The following CSMD2 variants were observed in gnomAD, a reference collection of about 807,000 sequenced individuals.
CSMD2 encodes the protein CUB and Sushi multiple domains 2, also known as CUB and sushi domain-containing protein 2.
In CSMD2, 130 loss-of-function variants were observed where a neutral mutation model predicts 398.5. The observed-to-expected ratio is 0.33, with a 90% CI of 0.28 to 0.38. CSMD2 has a LOEUF of 0.38. Among genes scored for constraint, CSMD2 ranks in the 10% least tolerant of loss-of-function variants. The pLI is 1.00. For synonymous variants in CSMD2, 1,828 were observed against 1,908.5 expected (o/e 0.96, Z 1.10); for missense variants, 3,829 against 4,764.9 (o/e 0.80, Z 5.78).
At chr1:33,606,160 G>C (rs1640592899) in intron 41 of CSMD2, among the ~76,000 whole-genome samples, 2 of 152,224 alleles carry the variant, frequency 1.3e-5, no homozygotes, top group South Asian at 2.1e-4. Context: ...TTGGGGAGAG[G>C]CTGCTGAGGG....
At chr1:34,001,889 A>G (rs1646916227) in intron 3 of CSMD2, among the ~76,000 whole-genome samples, 1 of 152,184 alleles carries the variant, frequency 6.6e-6, no homozygotes, top group African/African-American at 2.4e-5. Context: ...GGTGGTTAAT[A>G]AATGCTGCAA....
At chr1:33,946,110 T>G (rs1644829949) in intron 3 of CSMD2, among the ~76,000 whole-genome samples, 2 of 152,200 alleles carry the variant, frequency 1.3e-5, no homozygotes, top group Admixed American at 1.3e-4. Flanking sequence ...AAGAAACCAG[T>G]GCTCACAAGT....
chr1:33,813,081 C>T (rs1032321444), intron 9 of CSMD2: 11 of 152,154 alleles, frequency 7.2e-5, no homozygotes, highest in East Asian at 5.8e-4. Context: ...ACACCTCTTC[C>T]GGAAAGTCAG....
Position 33,739,125 on chromosome 1 carries a change from C to G in CSMD2, c.2368+15G>C, listed in dbSNP as rs773501827. 1 of 1,604,988 alleles carries G rather than the reference C, an allele frequency of 6.2e-7. No homozygotes were observed. Among genetic ancestry groups the G allele is most frequent in the Non-Finnish European group, 8.5e-7 (1 of 1,176,506 alleles). ...GGCTGACAATGGCCACTGCTCCCAG[C>G]CTGCAGGCTCGTACCTTCACACCGC... On this transcript the variant is annotated intron_variant, in intron 15 of 70. Coordinates refer to ENST00000373381, the MANE Select transcript of CSMD2 (RefSeq NM_001281956.2).
chr1:33,786,879 C>T (rs1303027241), intron 12 of CSMD2, among the ~76,000 whole-genome samples: 2 of 152,212 alleles, frequency 1.3e-5, no homozygotes, highest in African/African-American at 2.4e-5. Context: ...ATGGGCTAGC[C>T]TCCTGTTATG....
intron 53 of CSMD2, among the ~76,000 whole-genome samples, chr1:33,566,125 G>C (rs993872240): frequency 2.6e-5 from 4 of 151,294 alleles, no homozygotes; most frequent in Admixed American, 1.3e-4. Context: ...GGGAAACAAA[G>C]CAATATCAGT....
intron 5 of CSMD2, among the ~76,000 whole-genome samples, chr1:33,897,962 TGG>T (rs1642501819): frequency 6.6e-6 from 1 of 152,102 alleles, no homozygotes; most frequent in Non-Finnish European, 1.5e-5. Context: ...GGGTGTAAGG[TGG>T]TCTCAGTCAA....
chr1:33,563,572 C>G (rs1343005823), intron 53 of CSMD2, among the ~76,000 whole-genome samples: 3 of 152,072 alleles, frequency 2.0e-5, no homozygotes, highest in Non-Finnish European at 4.4e-5. Context: ...TCCTCACAAC[C>G]CTATGAGGTA....
chr1:33,559,505 C>G lies in CSMD2; in HGVS notation c.8381-32G>C. 1 of 1,530,872 alleles carries G rather than the reference C, an allele frequency of 6.5e-7. No individual in the cohort carries two copies. Among genetic ancestry groups the G allele is most frequent in the Non-Finnish European group, 8.8e-7 (1 of 1,142,608 alleles). 94.8% of individuals were successfully genotyped at this position (1,530,872 alleles called of 1,614,324 possible). ...CCAAAACAGAAGATAGGTAAGCCCTCCTACTATTCCACACCCCTCAGAATT... is the reference window on the plus strand; with the variant it reads ...CCAAAACAGAAGATAGGTAAGCCCTGCTACTATTCCACACCCCTCAGAATT... On this transcript the variant is annotated intron_variant, in intron 53 of 70. Coordinates refer to ENST00000373381, the MANE Select transcript of CSMD2 (RefSeq NM_001281956.2). This position sits in a 1 kb window ranked among gnomAD's most constrained non-coding sequence, Gnocchi z 4.0.
intron 1 of CSMD2, among the ~76,000 whole-genome samples, chr1:34,153,105 C>A (rs975128372): frequency 4.6e-5 from 7 of 152,296 alleles, no homozygotes; most frequent in Admixed American, 3.3e-4. Context: ...CAGCCTCCAC[C>A]TCCTGGGTTC....
chr1:33,838,326 T>C (rs6425847), intron 6 of CSMD2, among the ~76,000 whole-genome samples: 119,655 of 152,252 alleles, frequency 0.79, 47,872 homozygotes, highest in East Asian at 0.94. Context: ...TACTCATCCT[T>C]TTTTGCTAGA....
At chr1:33,951,672 C>G (rs1645012626) in intron 3 of CSMD2, among the ~76,000 whole-genome samples, 1 of 152,218 alleles carries the variant, frequency 6.6e-6, no homozygotes, top group Admixed American at 6.5e-5. Context: ...ACCCAGGCAC[C>G]ATCCTTAAGC....
intron 4 of CSMD2, among the ~76,000 whole-genome samples, chr1:33,919,434 G>T (rs980500544): frequency 6.6e-6 from 1 of 152,186 alleles, no homozygotes; most frequent in South Asian, 2.1e-4. Flanking sequence ...TTGTTTAGCA[G>T]CTCTGAACTA....
chr1:33,703,217 CA>C (rs1246964410), intron 22 of CSMD2, among the ~76,000 whole-genome samples: 1 of 152,060 alleles, frequency 6.6e-6, no homozygotes, highest in Non-Finnish European at 1.5e-5. Flanking sequence ...AAAAGTAAAA[CA>C]AAAAACTCCC....
At chr1:34,131,652 C>T (rs1186242904) in intron 1 of CSMD2, among the ~76,000 whole-genome samples, 1 of 152,196 alleles carries the variant, frequency 6.6e-6, no homozygotes, top group Non-Finnish European at 1.5e-5. Flanking sequence ...CCTCCAGGCC[C>T]AGGCCTCTCT....
intron 1 of CSMD2, among the ~76,000 whole-genome samples, chr1:34,109,759 G>A (rs753705208): frequency 2.0e-5 from 3 of 152,104 alleles, no homozygotes; most frequent in Admixed American, 6.5e-5. Context: ...ACATATATGA[G>A]CCAGGCACGG....
intron 7 of CSMD2, among the ~76,000 whole-genome samples, chr1:33,824,569 C>A (rs919359779): frequency 6.6e-6 from 1 of 152,152 alleles, no homozygotes; most frequent in Non-Finnish European, 1.5e-5. Flanking sequence ...CCACACACAT[C>A]GGCACAGAGC....
intron 22 of CSMD2, among the ~76,000 whole-genome samples, chr1:33,706,936 C>T (rs534908200): frequency 6.6e-6 from 1 of 152,168 alleles, no homozygotes; most frequent in African/African-American, 2.4e-5. Flanking sequence ...GCTCCTGCAT[C>T]CTCTGTTAGT....
At chr1:34,063,315 C>T (rs926114171) in intron 2 of CSMD2, among the ~76,000 whole-genome samples, 23 of 152,276 alleles carry the variant, frequency 1.5e-4, no homozygotes, top group African/African-American at 4.8e-4. Context: ...GTCCACAGTC[C>T]AAAGTCTCAT....
Sources: gnomAD v4.1 joint callset for allele counts (sites outside exome capture counted in the v4.1 genomes callset) on GRCh38, gnomAD v4.1.1 for gene constraint, Gnocchi (gnomAD v3.1) non-coding constraint, MANE v1.5 for transcripts, NCBI Gene and HGNC (gene_info 2026-07-23, HGNC 2026-07-21) for gene names.